CARHSP1: variants seen among roughly 807,000 people sequenced by gnomAD.
The protein encoded by CARHSP1 is calcium-regulated heat-stable protein 1.
Under a neutral mutation model 12.5 loss-of-function variants are expected in CARHSP1, and 14 were observed. The ratio of observed to expected loss-of-function variants is 1.12; its 90% confidence interval spans 0.74 to 1.75. The LOEUF (loss-of-function observed/expected upper bound fraction) is 1.75. CARHSP1 is among the 40% of genes most tolerant of loss of function. CARHSP1 has a pLI of 0.00. For synonymous variants in CARHSP1, 161 were observed against 82.0 expected (o/e 1.96, Z -5.20); for missense variants, 343 against 201.6 (o/e 1.70, Z -4.25).
intron 1 of CARHSP1, chr16:8,860,568 C>A: frequency 1.0e-6 from 1 of 974,012 alleles, no homozygotes; most frequent in Non-Finnish European, 1.2e-6. Context: ...GGCTCAGTTT[C>A]CGAATCTGCA....
intron 1 of CARHSP1, chr16:8,866,305 C>T (rs1442037483): frequency 5.0e-6 from 2 of 396,876 alleles, no homozygotes; most frequent in East Asian, 1.6e-4. Flanking sequence ...ACCCAGGGAA[C>T]ACGGCAGTAG....
intron 1 of CARHSP1, chr16:8,860,061 T>C: frequency 1.2e-6 from 1 of 844,638 alleles, no homozygotes; most frequent in South Asian, 5.4e-5. Flanking sequence ...TCCCTGACGC[T>C]GCTGGGAGCC....
At chr16:8,858,107 C>A (rs1163640720) in intron 3 of CARHSP1, 4 of 544,484 alleles carry the variant, frequency 7.3e-6, no homozygotes, top group Non-Finnish European at 1.3e-5. Context: ...CACCCAGGGA[C>A]AATCACAAGT....
chr16:8,861,140 C>T (rs546384838), intron 1 of CARHSP1, among the ~76,000 whole-genome samples: 6 of 144,178 alleles, frequency 4.2e-5, no homozygotes, highest in Admixed American at 4.2e-4. Context: ...TTCACTGTAG[C>T]CTTGACCTCC....
In CARHSP1 at chr16:8,858,456, G is replaced by C. The variant is rs769338498; in HGVS notation, c.175C>G (p.Gln59Glu). The part of the protein sequence containing the change: ...RTFSATVRAS[Q>E]GPVYKGVCKC... ...CAGACTCCTTTGTAGACGGGGCCCT[G>C]TGAAGCCCGCACCGTCCTGACAGAG... Residue 59 changes from glutamine to glutamate, a missense_variant, in exon 3 of 4, where the codon CAG (glutamine) becomes GAG (glutamate). Coordinates refer to ENST00000311052, the MANE Select transcript of CARHSP1 (RefSeq NM_014316.4). 3 of 1,613,882 alleles carry C rather than the reference G, an allele frequency of 1.9e-6. No homozygotes were observed. The East Asian group carries it at 6.7e-5, about 36-fold the overall frequency.
chr16:8,866,518 G>A (rs1161559592), intron 1 of CARHSP1: 2 of 970,492 alleles, frequency 2.1e-6, no homozygotes, highest in Non-Finnish European at 1.2e-6. Flanking sequence ...TGGGAGAACT[G>A]CCGGCACGTG....
At chr16:8,860,586 G>T (rs1342008077) in intron 1 of CARHSP1, 7 of 912,468 alleles carry the variant, frequency 7.7e-6, no homozygotes, top group Non-Finnish European at 9.2e-6. Flanking sequence ...GCAAAGTGGG[G>T]CAGCTGGGTG....
intron 1 of CARHSP1, chr16:8,861,857 G>T: frequency 2.5e-6 from 3 of 1,188,074 alleles, no homozygotes; most frequent in Non-Finnish European, 2.1e-6. Context: ...TGGGAGGGGA[G>T]GGCCCTGTCC....
In CARHSP1 at chr16:8,855,014, C is replaced by CCA; in HGVS notation, c.*149_*150insTG. 2 of 580,768 alleles carry CCA rather than the reference C, an allele frequency of 3.4e-6. No individual in the cohort carries two copies. The highest frequency in any genetic ancestry group is 5.5e-6 in the Non-Finnish European group (2 of 360,392). The allele number at this position is 580,768 out of a possible 1,614,324, so 36.0% of individuals were successfully genotyped here. ...GAACACCCCACACCCCACACCTGCCCCCCATACCCCTTCCTCCAGGAGATA... is the reference window on the plus strand; with the variant it reads ...GAACACCCCACACCCCACACCTGCCCCACCCATACCCCTTCCTCCAGGAGATA... On this transcript the variant is annotated 3_prime_UTR_variant, in exon 4 of 4. Transcript: ENST00000311052.
intron 3 of CARHSP1, 91 bp downstream of exon 3, chr16:8,858,259 G>C (rs1383031102): frequency 2.8e-6 from 4 of 1,453,346 alleles, no homozygotes; most frequent in East Asian, 2.3e-5. Context: ...CTCACACCCA[G>C]CGCCCATCAG....
At chr16:8,861,429 C>T (rs1358497286) in intron 1 of CARHSP1, among the ~76,000 whole-genome samples, 1 of 151,702 alleles carries the variant, frequency 6.6e-6, no homozygotes, top group Non-Finnish European at 1.5e-5. Context: ...CCCCCAGTCC[C>T]CTCATTTATA....
chr16:8,861,521 C>G, intron 1 of CARHSP1: 1 of 1,046,266 alleles, frequency 9.6e-7, no homozygotes, highest in South Asian at 1.4e-5. Flanking sequence ...GAACCAGGCC[C>G]GACTGCTCAG....
At position 8,858,901 on chromosome 16, in the gene CARHSP1, TC is replaced by T. The variant is rs2061246370; in HGVS notation, c.158+269del. Reference sequence around the variant, plus strand: ...CACAGTCTCACAGGGAACCAGACTCTCATGTGTGGTTAAAGCCCAGCGATTC... The same window carrying T: ...CACAGTCTCACAGGGAACCAGACTCTATGTGTGGTTAAAGCCCAGCGATTC... On this transcript the variant is annotated intron_variant, in intron 2 of 3. Transcript: ENST00000311052. 1.6e-5 allele frequency: 7 copies of T among 433,014 alleles called. No homozygotes were observed. The South Asian group carries it at 2.8e-4, about 17-fold the overall frequency. The allele number at this position is 433,014 out of a possible 1,614,324, so 26.8% of individuals were successfully genotyped here.
chr16:8,855,202 T>G lies in CARHSP1; in HGVS notation c.406A>C (p.Lys136Gln). Residue 136 changes from lysine (K) to glutamine (Q), a missense_variant, in exon 4 of 4, where the codon AAG becomes CAG. Lys to Gln is a moderately conservative substitution (Grantham distance 53). Coordinates refer to ENST00000311052, the MANE Select transcript of CARHSP1 (RefSeq NM_014316.4). ...ACATGTCCAGACCAGGTCTCATGCT[T>G]GGTGCCTGGTGCCAGGTGAGTGATG... ...VVITHLAPGT[K>Q]HETWSGHVIS... The G allele has an allele frequency of 1.2e-6, 2 of 1,612,324 alleles. No homozygotes were observed. The highest frequency in any genetic ancestry group is 1.7e-6 in the Non-Finnish European group (2 of 1,178,916).
intron 1 of CARHSP1, chr16:8,867,740 G>A (rs555805624): frequency 1.3e-5 from 2 of 152,454 alleles, no homozygotes; most frequent in African/African-American, 4.8e-5. Flanking sequence ...GAGTGCAGAG[G>A]GCGGTGGGGT....
intron 1 of CARHSP1, chr16:8,860,004 T>C (rs2061298785): frequency 3.2e-6 from 1 of 316,002 alleles, no homozygotes; most frequent in Non-Finnish European, 4.6e-6. Context: ...GCCAGGGAGA[T>C]TTTAATGCCA....
chr16:8,859,358 G>A, intron 1 of CARHSP1, 23 bp from the exon 2 acceptor site: 1 of 1,588,888 alleles, frequency 6.3e-7, no homozygotes, highest in Non-Finnish European at 8.5e-7. Context: ...GAGGCTGTCA[G>A]GGGCTCGTGC....
intron 3 of CARHSP1, among the ~76,000 whole-genome samples, chr16:8,856,038 A>C (rs904166127): frequency 6.6e-6 from 1 of 152,130 alleles, no homozygotes; most frequent in South Asian, 2.1e-4. Flanking sequence ...CAAACTCCTG[A>C]CCTTAAGTGA....
intron 3 of CARHSP1, 35 bp downstream of exon 3, chr16:8,858,315 C>G (rs779991213): frequency 6.2e-7 from 1 of 1,607,382 alleles, no homozygotes; most frequent in South Asian, 1.1e-5. Flanking sequence ...AAGCGCCCAC[C>G]CCAGCCAGGC....
Sources: allele counts gnomAD v4.1 joint callset (sites outside exome capture counted in the v4.1 genomes callset), GRCh38; gene constraint gnomAD v4.1.1; transcripts MANE v1.5; gene names NCBI Gene and HGNC (gene_info 2026-07-23, HGNC 2026-07-21).